Variants in UBE3B observed in about 807,000 individuals in gnomAD.
UBE3B encodes the protein ubiquitin-protein ligase E3B.
In UBE3B, 80 loss-of-function variants were observed where a neutral mutation model predicts 132.3. That is an observed-to-expected ratio of 0.60 (90% CI 0.50 to 0.73). The LOEUF (loss-of-function observed/expected upper bound fraction) is 0.73, where lower values mean the gene tolerates loss of function less well. Ranked by LOEUF, UBE3B falls within the 30% of genes least tolerant of loss-of-function variation. UBE3B has a pLI of 0.00. For synonymous variants in UBE3B, 487 were observed against 520.4 expected (o/e 0.94, Z 0.87); for missense variants, 1,196 against 1,362.5 (o/e 0.88, Z 1.92).
chr12:109,490,895 C>G (rs1877363603), intron 8 of UBE3B, 150 bp from the exon 9 acceptor site: 17 of 1,060,398 alleles, frequency 1.6e-5, no homozygotes, highest in Non-Finnish European at 2.0e-5. Context: ...GCCTCAGCCT[C>G]CTGAGCTGGG....
chr12:109,529,800 C>A, intron 24 of UBE3B, 90 bp from the exon 25 acceptor site: 1 of 1,477,706 alleles, frequency 6.8e-7, no homozygotes, highest in South Asian at 1.2e-5. Flanking sequence ...TAAAATGGTT[C>A]AGAAATGACT....
chr12:109,515,359 GT>G (rs5800863), intron 18 of UBE3B, among the ~76,000 whole-genome samples: 78,377 of 150,868 alleles, frequency 0.52, 21,514 homozygotes, highest in African/African-American at 0.7. Context: ...TATTATTACT[GT>G]TTTTTTGTTG....
chr12:109,493,015 G>A (rs1592899623), intron 9 of UBE3B, among the ~76,000 whole-genome samples: 1 of 152,164 alleles, frequency 6.6e-6, no homozygotes, highest in African/African-American at 2.4e-5. Flanking sequence ...CTAGAGGCTA[G>A]ACCCTCACAC....
intron 8 of UBE3B, chr12:109,490,794 T>C (rs1877339829): frequency 7.4e-7 from 1 of 1,344,456 alleles, no homozygotes. Context: ...ATAAAAACAC[T>C]GCATACGGTT....
chr12:109,485,210 C>T (rs1017125899), intron 4 of UBE3B, among the ~76,000 whole-genome samples: 36 of 152,312 alleles, frequency 2.4e-4, no homozygotes, highest in African/African-American at 8.7e-4. Context: ...ACTAACAATG[C>T]CACTGAGGCA....
At chr12:109,543,387 AAC>A in the UBE3B span, among the ~76,000 whole-genome samples, 850 of 152,250 alleles carry the variant, frequency 5.6e-3, 10 homozygotes, top group African/African-American at 0.019. Context: ...AGCGGCTGGT[AAC>A]ACAGCAGGAC....
intron 8 of UBE3B, 153 bp downstream of exon 8, chr12:109,490,157 T>G (rs1222668534): frequency 1.1e-6 from 1 of 899,890 alleles, no homozygotes; most frequent in Non-Finnish European, 1.8e-6. Context: ...TTCCTTCCCC[T>G]GCCTTGTCTC....
At chr12:109,490,371 C>T (rs1273116630) in intron 8 of UBE3B, 1 of 1,487,986 alleles carries the variant, frequency 6.7e-7, no homozygotes, top group African/African-American at 1.4e-5. Flanking sequence ...CACTTTGTAC[C>T]TTGTTGTGCC....
chr12:109,535,409 C>T lies in UBE3B; in HGVS notation c.*627C>T, dbSNP rs1473837801. The stretch of plus-strand genomic sequence containing the variant: ...GCGCTGCTCCTGCCTTGAAGCCACG[C>T]GCTCCACGCCGCGGCCCTCCCATTT... On this transcript the variant is annotated 3_prime_UTR_variant, in exon 28 of 28. Transcript: ENST00000342494. 6.6e-6 allele frequency: 1 copy of T among 152,318 alleles called. No homozygotes were observed. Among genetic ancestry groups the T allele is most frequent in the Admixed American group, 6.5e-5 (1 of 15,282 alleles). 9.4% of individuals were successfully genotyped at this position (152,318 alleles called of 1,614,324 possible). A position where few individuals can be genotyped will look rare whatever the true frequency, so the allele number is the denominator to read the frequency against.
At position 109,533,563 on chromosome 12, in the gene UBE3B, C is replaced by A. The variant is rs772517838; in HGVS notation, c.3015+5C>A. On this transcript the variant is annotated splice_donor_5th_base_variant and intron_variant, in intron 27 of 27. Transcript: ENST00000342494. ...GTGGAGGTGTCGGACGATCAGGTAC[C>A]CCCACGGGGTGGGTGGGGAAGAGCC... The A allele has an allele frequency of 2.2e-5, 35 of 1,612,188 alleles. No homozygotes were observed. Among genetic ancestry groups the A allele is most frequent in the Non-Finnish European group, 3.0e-5 (35 of 1,179,450 alleles).
chr12:109,516,889 G>A lies in UBE3B; in HGVS notation c.2076+5G>A. The A allele has an allele frequency of 6.2e-7, 1 of 1,613,378 alleles. No individual in the cohort carries two copies. Among genetic ancestry groups the A allele is most frequent in the Non-Finnish European group, 8.5e-7 (1 of 1,179,648 alleles). On this transcript the variant is annotated splice_donor_5th_base_variant and intron_variant, in intron 19 of 27. Coordinates refer to ENST00000342494, the MANE Select transcript of UBE3B (RefSeq NM_130466.4). ...CGCCGGTCCAGGATGCTGGAGGTGA[G>A]TGTGAAGCCTATGGAATCCTACCAC...
At chr12:109,526,608 C>T (rs1276161082) in intron 24 of UBE3B, among the ~76,000 whole-genome samples, 192 bp downstream of exon 24, 2 of 152,194 alleles carry the variant, frequency 1.3e-5, no homozygotes, top group African/African-American at 4.8e-5. Flanking sequence ...CACAGTGGCT[C>T]ATGCCTATAA....
rs779127680 is a variant in UBE3B, at chr12:109,486,612, A to G, written c.447+37A>G. ...AAAAAAAAAAAAAAAAAGCAAAACC[A>G]GAAACAGTACGTATGTCATTTTCAC... On this transcript the variant is annotated intron_variant, in intron 6 of 27. Coordinates refer to ENST00000342494, the MANE Select transcript of UBE3B (RefSeq NM_130466.4). 1.2e-5 allele frequency: 18 copies of G among 1,473,414 alleles called. No individual in the cohort carries two copies. In the South Asian group the frequency reaches 1.3e-4, roughly 11 times the overall value. The allele number at this position is 1,473,414 out of a possible 1,614,324, so 91.3% of individuals were successfully genotyped here.
intron 19 of UBE3B, among the ~76,000 whole-genome samples, chr12:109,517,406 G>T (rs1268574358): frequency 1.3e-5 from 2 of 152,196 alleles, no homozygotes; most frequent in African/African-American, 4.8e-5. Context: ...TAAATCCGTT[G>T]TCTGGAACTA....
At chr12:109,525,132 C>G (rs1228489084) in intron 23 of UBE3B, among the ~76,000 whole-genome samples, 1 of 152,176 alleles carries the variant, frequency 6.6e-6, no homozygotes, top group Admixed American at 6.5e-5. Flanking sequence ...TCAGAACCCC[C>G]AGTCTCCCTG....
intron 14 of UBE3B, among the ~76,000 whole-genome samples, chr12:109,504,130 C>G (rs1879351720): frequency 6.6e-6 from 1 of 152,202 alleles, no homozygotes; most frequent in Non-Finnish European, 1.5e-5. Context: ...TTGGCCTGGG[C>G]TACAGCAGGA....
chr12:109,542,463 C>T, the UBE3B span, among the ~76,000 whole-genome samples: 1 of 152,196 alleles, frequency 6.6e-6, no homozygotes, highest in Non-Finnish European at 1.5e-5. Flanking sequence ...TTAATCCCGT[C>T]CTCAAGATGG....
intron 4 of UBE3B, 85 bp downstream of exon 4, chr12:109,484,066 G>A: frequency 7.2e-7 from 1 of 1,382,036 alleles, no homozygotes; most frequent in Non-Finnish European, 9.8e-7. Context: ...TCTTATAGCA[G>A]CTTTATGAGG....
downstream of UBE3B, among the ~76,000 whole-genome samples, chr12:109,541,309 C>G (rs1360672871): frequency 2.0e-5 from 3 of 152,178 alleles, no homozygotes; most frequent in East Asian, 5.8e-4. Context: ...GACTAGTGGT[C>G]AAGGGCACAG....
Sources: allele counts gnomAD v4.1 joint callset (sites outside exome capture counted in the v4.1 genomes callset), GRCh38; gene constraint gnomAD v4.1.1; transcripts MANE v1.5; gene names NCBI Gene and HGNC (gene_info 2026-07-23, HGNC 2026-07-21).